Variants in SLCO1B3 observed in about 807,000 individuals in gnomAD.
The protein encoded by SLCO1B3 is liver-specific organic anion transporter 2.
A neutral mutation model predicts 71.8 loss-of-function variants in SLCO1B3; 72 were observed. The ratio of observed to expected loss-of-function variants is 1.00; its 90% CI spans 0.83 to 1.22. The LOEUF (loss-of-function observed/expected upper bound fraction) is 1.22. SLCO1B3 is among the 50% of genes most tolerant of loss of function. The pLI, the probability that SLCO1B3 is intolerant of heterozygous loss-of-function variation, is 0.00. For synonymous variants in SLCO1B3, 298 were observed against 278.4 expected, an observed-to-expected ratio of 1.07 and a Z score of -0.70; for missense variants, 911 against 819.7, an observed-to-expected ratio of 1.11 and a Z score of -1.36.
At chr12:20,848,518 A>G (rs1213219435) in intron 3 of SLCO1B3, among the ~76,000 whole-genome samples, 5 of 152,198 alleles carry the variant, frequency 3.3e-5, no homozygotes, top group African/African-American at 1.2e-4. Flanking sequence ...TTATATCCAC[A>G]TAAAAGCCTG....
At position 20,825,012 on chromosome 12, in the gene SLCO1B3, A is replaced by G. The variant is rs920075206; in HGVS notation, c.84+9190A>G. Among the ~76,000 whole-genome samples the G allele has an allele frequency of 3.9e-5, 6 of 152,172 alleles. No homozygotes were observed. In the South Asian group the frequency reaches 8.3e-4, roughly 21 times the overall value. ...TGAGAGAGGAGACTTAATTTCCCAA[A>G]CAATGAGCCCTAAGAGAGACTGCAT... On this transcript the variant is annotated intron_variant, in intron 3 of 15. Coordinates refer to ENST00000381545, the MANE Select transcript of SLCO1B3 (RefSeq NM_019844.4).
At chr12:20,837,037 G>A (rs921636156) in intron 3 of SLCO1B3, among the ~76,000 whole-genome samples, 4 of 152,152 alleles carry the variant, frequency 2.6e-5, no homozygotes, top group African/African-American at 9.7e-5. Context: ...GTAGGAGTTT[G>A]AGTAGATTGT....
intron 14 of SLCO1B3, 138 bp from the exon 15 acceptor site, chr12:20,901,212 T>G: frequency 1.6e-6 from 1 of 620,826 alleles, no homozygotes; most frequent in Non-Finnish European, 2.8e-6. Flanking sequence ...GATTCCTGGG[T>G]GGATGTAAGC....
chr12:20,854,132 A>C (rs1022064556), intron 3 of SLCO1B3, among the ~76,000 whole-genome samples: 4 of 152,010 alleles, frequency 2.6e-5, no homozygotes, highest in Non-Finnish European at 5.9e-5. Context: ...ACGGTGGTCT[A>C]TCTTGGAGAA....
chr12:20,892,781 T>C (rs532457476), intron 13 of SLCO1B3, among the ~76,000 whole-genome samples: 5 of 152,136 alleles, frequency 3.3e-5, no homozygotes, highest in Non-Finnish European at 7.4e-5. Flanking sequence ...GAAAATGGAC[T>C]AGTAGAATAT....
At chr12:20,812,863 AG>A (rs1864131514) in intron 1 of SLCO1B3, among the ~76,000 whole-genome samples, 1 of 141,920 alleles carries the variant, frequency 7.0e-6, no homozygotes, top group Non-Finnish European at 1.6e-5. Flanking sequence ...CTGCCTTGCA[AG>A]TCGTTCAAAA....
chr12:20,856,403 G>T (rs1054023329), intron 4 of SLCO1B3, among the ~76,000 whole-genome samples: 5 of 151,852 alleles, frequency 3.3e-5, no homozygotes, highest in Non-Finnish European at 5.9e-5. Context: ...CTTAAAAATG[G>T]CCATATATTA....
intron 3 of SLCO1B3, among the ~76,000 whole-genome samples, chr12:20,848,991 G>T (rs776077844): frequency 1.3e-5 from 2 of 151,960 alleles, no homozygotes; most frequent in Non-Finnish European, 2.9e-5. Context: ...ATCCAAATTG[G>T]TTCATCAGTG....
chr12:20,897,573 G>C (rs1475456984), intron 13 of SLCO1B3, among the ~76,000 whole-genome samples: 4 of 152,170 alleles, frequency 2.6e-5, no homozygotes, highest in African/African-American at 9.7e-5. Flanking sequence ...AACTAGCATG[G>C]TATCTCTTAG....
chr12:20,897,863 G>A (rs921141526), intron 13 of SLCO1B3, among the ~76,000 whole-genome samples: 2 of 152,156 alleles, frequency 1.3e-5, no homozygotes, highest in African/African-American at 4.8e-5. Flanking sequence ...ATGTAAGAGT[G>A]AGTGAATTTC....
intron 3 of SLCO1B3, among the ~76,000 whole-genome samples, chr12:20,820,445 T>C (rs1335472760): frequency 6.6e-6 from 1 of 152,070 alleles, no homozygotes; most frequent in African/African-American, 2.4e-5. Flanking sequence ...GGCCTGGTGG[T>C]CAGATTTCTG....
chr12:20,844,030 C>T (rs759374257), intron 3 of SLCO1B3, among the ~76,000 whole-genome samples: 2 of 151,780 alleles, frequency 1.3e-5, no homozygotes, highest in Non-Finnish European at 1.5e-5. Context: ...ATTTTCTCCT[C>T]TTCAACTTAT....
At position 20,848,003 on chromosome 12, in the gene SLCO1B3, T is replaced by C. The variant is rs1417721176; in HGVS notation, c.85-7025T>C. Among the ~76,000 whole-genome samples the C allele has an allele frequency of 3.3e-5, 5 of 152,074 alleles. No individual in the cohort carries two copies. In the East Asian group the frequency reaches 9.6e-4, roughly 29 times the overall value. ...AATAATACAGAATCTTGGAAGCAGC[T>C]AGAATGGGAATCATCATGTACAAGT... On this transcript the variant is annotated intron_variant, in intron 3 of 15. Transcript: ENST00000381545.
chr12:20,850,155 A>T (rs973387355), intron 3 of SLCO1B3, among the ~76,000 whole-genome samples: 5 of 151,334 alleles, frequency 3.3e-5, no homozygotes, highest in African/African-American at 9.7e-5. Context: ...AAAAATTTTT[A>T]AAACTTTTAT....
rs1424953308 is a variant in SLCO1B3, at chr12:20,855,093, T to C, written c.150T>C (p.Ile50=). ...CACTAGGTGGAATCATTATGAAAAT[T>C]TCCATCACTCAAATAGAAAGGAGAT... is the stretch of plus-strand genomic sequence containing the variant. ...AKALGGIIMK[I]SITQIERRFD... is the part of the protein sequence containing the mutation. Residue 50 remains isoleucine, a synonymous_variant, in exon 4 of 16, where the codon ATT becomes ATC. Transcript: ENST00000381545. The C allele has an allele frequency of 6.2e-7, 1 of 1,612,126 alleles. No individual in the cohort carries two copies. Among genetic ancestry groups the C allele is most frequent in the Admixed American group, 1.7e-5 (1 of 60,004 alleles).
At chr12:20,914,926 T>C (rs1467195717) in intron 15 of SLCO1B3, among the ~76,000 whole-genome samples, 4 of 152,164 alleles carry the variant, frequency 2.6e-5, no homozygotes, top group Admixed American at 1.3e-4. Context: ...TTGGTTTCTT[T>C]CAGGATGTTT....
At chr12:20,836,650 T>C (rs1198127882) in intron 3 of SLCO1B3, among the ~76,000 whole-genome samples, 1 of 152,138 alleles carries the variant, frequency 6.6e-6, no homozygotes, top group Non-Finnish European at 1.5e-5. Context: ...TTGTTTTGTT[T>C]TGTTTTTTTG....
chr12:20,879,455 G>T lies in SLCO1B3; in HGVS notation c.1155G>T (p.Thr385=), dbSNP rs142709481. 1.3e-6 allele frequency: 2 copies of T among 1,599,928 alleles called. No homozygotes were observed. Among genetic ancestry groups the T allele is most frequent in the South Asian group, 1.1e-5 (1 of 89,666 alleles). ...TTCTAGGAATCATAACCATTCCTAC[G>T]GTTGCAACTGGAATGTTTTTAGGAG... ...NFLLGIITIP[T]VATGMFLGGF... is the part of the protein sequence containing the mutation. The change falls in exon 11 of 16, where the codon ACG becomes ACT. Residue 385 remains threonine (T), a synonymous_variant. Coordinates refer to ENST00000381545, the MANE Select transcript of SLCO1B3 (RefSeq NM_019844.4).
chr12:20,854,072 C>T (rs889789618), intron 3 of SLCO1B3, among the ~76,000 whole-genome samples: 1 of 152,042 alleles, frequency 6.6e-6, no homozygotes, highest in Non-Finnish European at 1.5e-5. Flanking sequence ...AGAAAAGATA[C>T]TTAATATAAT....
Sources: gnomAD v4.1 joint callset for allele counts (sites outside exome capture counted in the v4.1 genomes callset) on GRCh38, gnomAD v4.1.1 for gene constraint, MANE v1.5 for transcripts, NCBI Gene and HGNC (gene_info 2026-07-23, HGNC 2026-07-21) for gene names.